GTSE1: variants seen among roughly 807,000 people sequenced by gnomAD.
GTSE1 encodes the protein G2 and S-phase expressed 1, also known as G2 and S phase-expressed protein 1.
In GTSE1, 52 loss-of-function variants were observed where a neutral mutation model predicts 60.5. The ratio of observed to expected loss-of-function variants is 0.86; its 90% CI spans 0.69 to 1.08. The LOEUF (loss-of-function observed/expected upper bound fraction) is 1.08, where lower values mean the gene tolerates loss of function less well. GTSE1 is among the 50% of genes least tolerant of loss of function. GTSE1 has a pLI of 0.00. For synonymous variants in GTSE1, 368 were observed against 386.5 expected (o/e 0.95, Z 0.56); for missense variants, 937 against 961.8 (o/e 0.97, Z 0.34).
At position 46,328,813 on chromosome 22, in the gene GTSE1, C is replaced by T; in HGVS notation, c.1850C>T (p.Ser617Phe). 6.2e-7 allele frequency: 1 copy of T among 1,614,006 alleles called. No homozygotes were observed. The highest frequency in any genetic ancestry group is 8.5e-7 in the Non-Finnish European group (1 of 1,179,896). ...ALNFSPEESDSTFSKSTATEV... is the reference protein window; with the variant it reads ...ALNFSPEESDFTFSKSTATEV... ...AACTTTTCTCCAGAGGAAAGCGATTCTACTTTCTCCAAAAGTACTGCCACA... is the reference window on the plus strand; with the variant it reads ...AACTTTTCTCCAGAGGAAAGCGATTTTACTTTCTCCAAAAGTACTGCCACA... Residue 617 changes from serine (S) to phenylalanine (F), a missense_variant, in exon 10 of 12, where the codon TCT (serine) becomes TTT (phenylalanine). By Grantham distance (155) the Ser-to-Phe change is radical. Coordinates refer to ENST00000454366, the MANE Select transcript of GTSE1 (RefSeq NM_016426.7).
In GTSE1 at chr22:46,329,260, C is replaced by T. The variant is rs916968626; in HGVS notation, c.1927-98C>T. On this transcript the variant is annotated intron_variant, in intron 10 of 11. Transcript: ENST00000454366. The surrounding 1 kb of genome is among the most constrained non-coding windows in gnomAD (Gnocchi z 6.4). ...CCGCCTGATTCCTTGGCTTTCCAAA[C>T]CGCCAGCCCACCTGGAACATGAGCA... 3.3e-5 allele frequency: 34 copies of T among 1,041,940 alleles called. No individual in the cohort carries two copies. Among genetic ancestry groups the T allele is most frequent in the Middle Eastern group, 2.2e-4 (1 of 4,552 alleles). The allele number at this position is 1,041,940 out of a possible 1,614,324, so 64.5% of individuals were successfully genotyped here. A position where few individuals can be genotyped will look rare whatever the true frequency, so the allele number is the denominator to read the frequency against.
intron 2 of GTSE1, among the ~76,000 whole-genome samples, chr22:46,307,328 G>T (rs1365953171): frequency 6.6e-6 from 1 of 152,194 alleles, no homozygotes; most frequent in East Asian, 1.9e-4. Context: ...TGTAAGAGGG[G>T]AATTTAATTC....
chr22:46,312,195 G>T lies in GTSE1; in HGVS notation c.817G>T (p.Glu273Ter). ...PSRTKIPAEK[E>*]SHRDVLPDKP... Reference sequence around the variant, plus strand: ...CAGGACAAAAATCCCAGCTGAGAAGGAATCCCACCGGGATGTTCTCCCTGA... The same window carrying T: ...CAGGACAAAAATCCCAGCTGAGAAGTAATCCCACCGGGATGTTCTCCCTGA... The change falls in exon 5 of 12, where the codon GAA becomes TAA. Residue 273 changes from glutamate (E) to a stop codon, truncating the protein, a stop_gained. Transcript: ENST00000454366. LOFTEE classifies it high-confidence loss of function. 8.1e-6 allele frequency: 13 copies of T among 1,613,970 alleles called. No homozygotes were observed. Among genetic ancestry groups the T allele is most frequent in the Non-Finnish European group, 1.0e-5 (12 of 1,179,908 alleles).
chr22:46,298,611 A>G (rs1051562445), intron 2 of GTSE1, among the ~76,000 whole-genome samples: 2 of 152,160 alleles, frequency 1.3e-5, no homozygotes, highest in Admixed American at 6.5e-5. Context: ...CCTGGCCCCA[A>G]GCATCCTCAA....
rs1206676204 is a variant in GTSE1, at chr22:46,326,555, C to G, written c.1625C>G (p.Pro542Arg). The stretch of plus-strand genomic sequence containing the variant: ...GCCAGCCGGCGCTGCTCTGGCCTTC[C>G]ACCGATGACCCCCAAAACGATGCCC... ...TPASRRCSGL[P>R]PMTPKTMPRA... Residue 542 changes from proline to arginine, a missense_variant, in exon 9 of 12, where the codon CCA becomes CGA. Physicochemically the swap from Pro to Arg is moderately radical, Grantham distance 103. Transcript: ENST00000454366. The G allele has an allele frequency of 6.2e-7, 1 of 1,614,154 alleles. No individual in the cohort carries two copies. Among genetic ancestry groups the G allele is most frequent in the African/African-American group, 1.3e-5 (1 of 75,076 alleles).
At chr22:46,322,489 GCACACTGGGATTTT>G (rs1187161632) in intron 7 of GTSE1, among the ~76,000 whole-genome samples, 1 of 152,118 alleles carries the variant, frequency 6.6e-6, no homozygotes, top group Non-Finnish European at 1.5e-5. Flanking sequence ...ATACTCAAGT[GCACACTGGGATTTT>G]CAAGGAGCCA....
Position 46,319,943 on chromosome 22 carries a change from T to TCACTG in GTSE1, c.1433-3242_1433-3238dup, listed in dbSNP as rs1026208136. ...GAGGTTGTAGTGAGCCGAGATGGTG[T>TCACTG]CACTGCACTCCAGCCTGGGCGACAG... On this transcript the variant is annotated intron_variant, in intron 7 of 11. Coordinates refer to ENST00000454366, the MANE Select transcript of GTSE1 (RefSeq NM_016426.7). The surrounding 1 kb of genome is among the most constrained non-coding windows in gnomAD (Gnocchi z 5.0). Among the ~76,000 whole-genome samples the TCACTG allele has an allele frequency of 3.3e-5, 5 of 149,636 alleles. No individual in the cohort carries two copies. The highest frequency in any genetic ancestry group is 2.7e-4 in the Admixed American group (4 of 15,022).
chr22:46,305,758 T>A (rs1045777321), intron 2 of GTSE1, among the ~76,000 whole-genome samples: 1 of 150,218 alleles, frequency 6.7e-6, no homozygotes, highest in Non-Finnish European at 1.5e-5. Flanking sequence ...AATACGAAAA[T>A]TAGCCCGGTG....
At position 46,309,004 on chromosome 22, in the gene GTSE1, C is replaced by G; in HGVS notation, c.762+61C>G. 6.6e-7 allele frequency: 1 copy of G among 1,520,852 alleles called. No homozygotes were observed. Among genetic ancestry groups the G allele is most frequent in the Non-Finnish European group, 8.9e-7 (1 of 1,129,440 alleles). 94.2% of individuals were successfully genotyped at this position (1,520,852 alleles called of 1,614,324 possible). A position where few individuals can be genotyped will look rare whatever the true frequency, so the allele number is the denominator to read the frequency against. On this transcript the variant is annotated intron_variant, in intron 4 of 11. Transcript: ENST00000454366. The surrounding 1 kb of genome is among the most constrained non-coding windows in gnomAD (Gnocchi z 6.2). ...CCCACTCCTTGCCCCTCAGCCCTCT[C>G]ACAGAAGCCACATGCGGAAAGCCTC... is the stretch of plus-strand genomic sequence containing the variant.
intron 2 of GTSE1, among the ~76,000 whole-genome samples, chr22:46,307,584 A>G (rs921826482): frequency 6.6e-6 from 1 of 152,028 alleles, no homozygotes; most frequent in Non-Finnish European, 1.5e-5. Context: ...GCTCACTGCA[A>G]CTTCCACCTC....
In GTSE1 at chr22:46,308,456, C is replaced by T. The variant is rs1297672655; in HGVS notation, c.275C>T (p.Pro92Leu). Residue 92 changes from proline (P) to leucine (L), a missense_variant, in exon 4 of 12, where the codon CCT becomes CTT. Transcript: ENST00000454366. ...TCTGAGAGTCCCTTTGCCTGGAGCCCTCTGGCCGGGGAGAAGTTCGTGGAG... is the reference window on the plus strand; with the variant it reads ...TCTGAGAGTCCCTTTGCCTGGAGCCTTCTGGCCGGGGAGAAGTTCGTGGAG... Reference protein sequence around the residue: ...PTSESPFAWSPLAGEKFVEVY... With the variant: ...PTSESPFAWSLLAGEKFVEVY... The T allele has an allele frequency of 1.2e-6, 2 of 1,614,082 alleles. No homozygotes were observed. The highest frequency in any genetic ancestry group is 4.5e-5 in the East Asian group (2 of 44,898).
chr22:46,317,896 C>T lies in GTSE1; in HGVS notation c.1432+1484C>T, dbSNP rs542374576. Among the ~76,000 whole-genome samples, 7 of 152,260 alleles carry T rather than the reference C, an allele frequency of 4.6e-5. No individual in the cohort carries two copies. Among genetic ancestry groups the T allele is most frequent in the South Asian group, 2.1e-4 (1 of 4,830 alleles). On this transcript the variant is annotated intron_variant, in intron 7 of 11. Coordinates refer to ENST00000454366, the MANE Select transcript of GTSE1 (RefSeq NM_016426.7). This position sits in a 1 kb window ranked among gnomAD's most constrained non-coding sequence, Gnocchi z 5.6. ...GGCGGTTTCTCGGCCCTGTGAGCTC[C>T]GCTCGTTGCTCCCTGGTAGTTGCTC...
In GTSE1 at chr22:46,308,484, G is replaced by A. The variant is rs1215332926; in HGVS notation, c.303G>A (p.Val101=). Residue 101 remains valine (V), a synonymous_variant, in exon 4 of 12, where the codon GTG becomes GTA. Coordinates refer to ENST00000454366, the MANE Select transcript of GTSE1 (RefSeq NM_016426.7). ...SPLAGEKFVE[V]YKEAHLLALH... is the part of the protein sequence containing the mutation. ...TGGCCGGGGAGAAGTTCGTGGAGGT[G>A]TACAAAGAAGCTCACTTACTGGCTT... The A allele has an allele frequency of 1.4e-5, 22 of 1,614,102 alleles. No homozygotes were observed. The Admixed American group carries it at 3.3e-4, about 24-fold the overall frequency.
At position 46,320,315 on chromosome 22, in the gene GTSE1, G is replaced by T. The variant is rs529365715; in HGVS notation, c.1433-2875G>T. On this transcript the variant is annotated intron_variant, in intron 7 of 11. Coordinates refer to ENST00000454366, the MANE Select transcript of GTSE1 (RefSeq NM_016426.7). This position sits in a 1 kb window ranked among gnomAD's most constrained non-coding sequence, Gnocchi z 7.1. ...GATGTGCATTTCACCTTCGGCAGGCGGTTCCTCCTCTCTCCACAATGCTGG... is the reference window on the plus strand; with the variant it reads ...GATGTGCATTTCACCTTCGGCAGGCTGTTCCTCCTCTCTCCACAATGCTGG... Among the ~76,000 whole-genome samples the T allele has an allele frequency of 6.6e-6, 1 of 152,172 alleles. No homozygotes were observed. Among genetic ancestry groups the T allele is most frequent in the Non-Finnish European group, 1.5e-5 (1 of 68,032 alleles).
chr22:46,325,487 G>T (rs890691103), intron 8 of GTSE1, among the ~76,000 whole-genome samples: 1 of 152,066 alleles, frequency 6.6e-6, no homozygotes. Context: ...TGAGCCACCC[G>T]CCCGGCCTAT....
chr22:46,306,847 A>G lies in GTSE1; in HGVS notation c.80-1303A>G, dbSNP rs776433485. On this transcript the variant is annotated intron_variant, in intron 2 of 11. Transcript: ENST00000454366. The stretch of plus-strand genomic sequence containing the variant: ...GAGCTTTATAAGCTTTACAGTATTG[A>G]GCAAATACTGTATTTCAGTGCATTT... Among the ~76,000 whole-genome samples, 25 of 152,208 alleles carry G rather than the reference A, an allele frequency of 1.6e-4. 1 individual carries two copies. Among genetic ancestry groups the G allele is most frequent in the Non-Finnish European group, 2.5e-4 (17 of 68,038 alleles).
At chr22:46,325,136 C>T (rs1305054906) in intron 8 of GTSE1, among the ~76,000 whole-genome samples, 1 of 152,206 alleles carries the variant, frequency 6.6e-6, no homozygotes, top group Non-Finnish European at 1.5e-5. Flanking sequence ...TCCCGATTCA[C>T]AGCTGCCGCC....
Position 46,316,104 on chromosome 22 carries a change from G to A in GTSE1, c.1124G>A (p.Arg375Lys). Residue 375 changes from arginine (R) to lysine (K), a missense_variant, in exon 7 of 12, where the codon AGA (arginine) becomes AAA (lysine). Physicochemically the swap from Arg to Lys is conservative, Grantham distance 26. Coordinates refer to ENST00000454366, the MANE Select transcript of GTSE1 (RefSeq NM_016426.7). The surrounding 1 kb of genome is among the most constrained non-coding windows in gnomAD (Gnocchi z 5.0). ...RPLSNISKSG[R>K]MGPAMLRPAL... Reference sequence around the variant, plus strand: ...CTGTCAAACATCAGCAAGTCAGGCAGAATGGGACCCGCCATGCTGCGGCCA... The same window carrying A: ...CTGTCAAACATCAGCAAGTCAGGCAAAATGGGACCCGCCATGCTGCGGCCA... The A allele has an allele frequency of 4.5e-6, 7 of 1,571,882 alleles. No homozygotes were observed. The highest frequency in any genetic ancestry group is 1.8e-5 in the Admixed American group (1 of 54,286).
chr22:46,323,968 A>G (rs1177414037), intron 8 of GTSE1, among the ~76,000 whole-genome samples: 1 of 152,128 alleles, frequency 6.6e-6, no homozygotes, highest in African/African-American at 2.4e-5. Context: ...CTGGGATTAT[A>G]GGCGTGAGCC....
Sources: allele counts gnomAD v4.1 joint callset (sites outside exome capture counted in the v4.1 genomes callset), GRCh38; gene constraint gnomAD v4.1.1; non-coding constraint Gnocchi (gnomAD v3.1); transcripts MANE v1.5; gene names NCBI Gene and HGNC (gene_info 2026-07-23, HGNC 2026-07-21).